DAB1: variants seen among roughly 807,000 people sequenced by gnomAD.
DAB1 encodes disabled homolog 1.
In DAB1, 15 loss-of-function variants were observed where a neutral mutation model predicts 64.6. The ratio of observed to expected loss-of-function variants is 0.23; its 90% CI spans 0.16 to 0.36. DAB1 has a LOEUF of 0.36. DAB1 is among the 10% of genes least tolerant of loss of function. The pLI is 1.00. For synonymous variants in DAB1, 235 were observed against 251.9 expected (o/e 0.93, Z 0.64); for missense variants, 596 against 706.7 (o/e 0.84, Z 1.78).
intron 2 of DAB1, among the ~76,000 whole-genome samples, chr1:57,274,781 C>T (rs1671323192): frequency 6.6e-6 from 1 of 152,068 alleles, no homozygotes; most frequent in South Asian, 2.1e-4. Context: ...GGGGTCTCAC[C>T]ATGTTGGCCA....
intron 5 of DAB1, among the ~76,000 whole-genome samples, chr1:57,908,297 T>A (rs1644587898): frequency 6.6e-6 from 1 of 152,150 alleles, no homozygotes; most frequent in African/African-American, 2.4e-5. Flanking sequence ...TGATTGGAGT[T>A]ACTCATCCTT....
chr1:58,237,799 T>C (rs1660113527), intron 4 of DAB1, among the ~76,000 whole-genome samples: 1 of 152,222 alleles, frequency 6.6e-6, no homozygotes, highest in African/African-American at 2.4e-5. Context: ...ATGTCATAGA[T>C]GACCACTTTA....
At chr1:57,185,132 C>A (rs1391952447) in intron 2 of DAB1, among the ~76,000 whole-genome samples, 1 of 152,150 alleles carries the variant, frequency 6.6e-6, no homozygotes, top group Non-Finnish European at 1.5e-5. Context: ...ATGCTTCCCC[C>A]TCTCTGTGCC....
chr1:57,049,529 G>C (rs1278450387), intron 9 of DAB1, among the ~76,000 whole-genome samples: 3 of 150,508 alleles, frequency 2.0e-5, no homozygotes, highest in Non-Finnish European at 3.0e-5. Context: ...CCTACAGGGA[G>C]GAGACAGGGT....
intron 5 of DAB1, among the ~76,000 whole-genome samples, chr1:58,037,648 C>T (rs2100495798): frequency 6.6e-6 from 1 of 152,224 alleles, no homozygotes; most frequent in Non-Finnish European, 1.5e-5. Context: ...CCCCACCCTG[C>T]TCCATGGAAA....
intron 5 of DAB1, among the ~76,000 whole-genome samples, chr1:58,125,755 C>G (rs1017447905): frequency 3.3e-5 from 5 of 152,268 alleles, no homozygotes; most frequent in African/African-American, 9.6e-5. Flanking sequence ...CTCACCTTAA[C>G]ACTTTTTATG....
At chr1:58,361,863 C>CTTTTTTT (rs34029239) in intron 3 of DAB1, among the ~76,000 whole-genome samples, 31 of 84,040 alleles carry the variant, frequency 3.7e-4, no homozygotes, top group Admixed American at 7.7e-4. Context: ...AAAGATCCCC[C>CTTTTTTT]TTTTTTTTTT....
At chr1:57,561,020 T>C (rs1001457960) in intron 7 of DAB1, among the ~76,000 whole-genome samples, 1 of 152,186 alleles carries the variant, frequency 6.6e-6, no homozygotes, top group African/African-American at 2.4e-5. Flanking sequence ...CAGCATTCCA[T>C]CATCAAATGG....
At chr1:58,306,335 G>C (rs1662306698) in intron 4 of DAB1, among the ~76,000 whole-genome samples, 1 of 152,184 alleles carries the variant, frequency 6.6e-6, no homozygotes, top group Non-Finnish European at 1.5e-5. Context: ...ATATTGAAAT[G>C]TAAGGAAATA....
At chr1:57,478,764 T>C (rs1226996077) in intron 7 of DAB1, among the ~76,000 whole-genome samples, 4 of 151,666 alleles carry the variant, frequency 2.6e-5, no homozygotes. Flanking sequence ...AGCTAACTTT[T>C]TTTTTTTTGT....
intron 7 of DAB1, among the ~76,000 whole-genome samples, chr1:57,527,399 T>C (rs1381821953): frequency 6.6e-6 from 1 of 152,164 alleles, no homozygotes; most frequent in African/African-American, 2.4e-5. Flanking sequence ...GTGCTAAGTA[T>C]GCAACACACA....
chr1:58,096,416 G>A lies in DAB1; in HGVS notation n.387+54095C>T, dbSNP rs149742190. ...AGACTTCTCTAGCTAATGAGGGTGA[G>A]ATTCAATGCATATGCTTTGTGATAG... On this transcript the variant is annotated intron_variant and non_coding_transcript_variant, in intron 5 of 20. Coordinates refer to the DAB1 transcript ENST00000485760. 2.2e-4 allele frequency among the ~76,000 whole-genome samples: 34 copies of A among 152,304 alleles called. No homozygotes were observed. In the East Asian group the frequency reaches 6.6e-3, roughly 29 times the overall value.
At chr1:57,780,419 G>T (rs1000040043) in intron 6 of DAB1, among the ~76,000 whole-genome samples, 1 of 152,074 alleles carries the variant, frequency 6.6e-6, no homozygotes, top group African/African-American at 2.4e-5. Flanking sequence ...GTCAGAGAGG[G>T]CTGTTGTCTT....
At chr1:57,740,989 G>A (rs1647963667) in intron 6 of DAB1, among the ~76,000 whole-genome samples, 2 of 152,110 alleles carry the variant, frequency 1.3e-5, no homozygotes, top group Non-Finnish European at 2.9e-5. Context: ...GGGTGTTGAA[G>A]GATGAAACTG....
At chr1:58,304,119 G>C (rs1569625045) in intron 4 of DAB1, among the ~76,000 whole-genome samples, 2 of 152,180 alleles carry the variant, frequency 1.3e-5, no homozygotes, top group East Asian at 3.9e-4. Context: ...GCATATAAGG[G>C]CGAGAAAGAC....
At chr1:58,288,806 T>C (rs538710052) in intron 4 of DAB1, among the ~76,000 whole-genome samples, 4 of 152,354 alleles carry the variant, frequency 2.6e-5, no homozygotes, top group African/African-American at 9.6e-5. Context: ...AAAGTAATCT[T>C]TGAGGCTTCT....
At chr1:57,688,226 A>G (rs1178666536) in intron 6 of DAB1, among the ~76,000 whole-genome samples, 2 of 152,018 alleles carry the variant, frequency 1.3e-5, no homozygotes, top group Non-Finnish European at 2.9e-5. Flanking sequence ...GCAAAAGACA[A>G]TCTCCCCCTC....
At chr1:57,009,584 T>C (rs1347728175) in intron 14 of DAB1, among the ~76,000 whole-genome samples, 1 of 152,200 alleles carries the variant, frequency 6.6e-6, no homozygotes, top group Non-Finnish European at 1.5e-5. Context: ...AATCCATTTA[T>C]GAGTGGAGAA....
chr1:57,432,556 A>G (rs1031778387), intron 7 of DAB1, among the ~76,000 whole-genome samples: 4 of 152,198 alleles, frequency 2.6e-5, no homozygotes, highest in African/African-American at 7.2e-5. Context: ...CCATGAAAAA[A>G]GTTTTTTGAA....
Sources: allele counts gnomAD v4.1 joint callset (sites outside exome capture counted in the v4.1 genomes callset), GRCh38; gene constraint gnomAD v4.1.1; transcripts MANE v1.5; gene names NCBI Gene and HGNC (gene_info 2026-07-23, HGNC 2026-07-21).